The following MAPK4 variants were observed in gnomAD, a reference collection of about 807,000 sequenced individuals.
MAPK4 encodes the protein Erk3-related.
In MAPK4, 22 loss-of-function variants were observed where a neutral mutation model predicts 47.7. The ratio of observed to expected loss-of-function variants is 0.46; its 90% CI spans 0.33 to 0.66. The LOEUF is 0.66. MAPK4 is among the 30% of genes least tolerant of loss of function. The pLI is 0.02. For synonymous variants in MAPK4, 390 were observed against 365.7 expected, an observed-to-expected ratio of 1.07 and a Z score of -0.76; for missense variants, 736 against 831.7, an observed-to-expected ratio of 0.88 and a Z score of 1.42.
intron 2 of MAPK4, among the ~76,000 whole-genome samples, chr18:50,697,002 G>A (rs1335335685): frequency 6.6e-6 from 1 of 151,958 alleles, no homozygotes; most frequent in Non-Finnish European, 1.5e-5. Flanking sequence ...AGACTTGGTG[G>A]TGGCCAGACC....
chr18:50,726,224 C>T (rs1298498630), intron 5 of MAPK4, 49 bp downstream of exon 5: 1 of 1,574,752 alleles, frequency 6.4e-7, no homozygotes, highest in Non-Finnish European at 8.7e-7. Flanking sequence ...GTCCTCCCAT[C>T]TCTATTTTGC....
At chr18:50,722,127 T>C in intron 4 of MAPK4, 28 bp downstream of exon 4, 1 of 1,599,346 alleles carries the variant, frequency 6.3e-7, no homozygotes, top group Non-Finnish European at 8.5e-7. Flanking sequence ...CCAGGCCAAG[T>C]GTCCTGGGAG....
At chr18:50,661,827 C>G (rs2144244791) in intron 1 of MAPK4, among the ~76,000 whole-genome samples, 1 of 152,304 alleles carries the variant, frequency 6.6e-6, no homozygotes, top group East Asian at 1.9e-4. Context: ...ACATGCAGAA[C>G]AGAATTACCG....
intron 2 of MAPK4, among the ~76,000 whole-genome samples, chr18:50,708,684 A>G (rs543079005): frequency 6.6e-6 from 1 of 152,288 alleles, no homozygotes; most frequent in South Asian, 2.1e-4. Flanking sequence ...TTGTCTAGAC[A>G]GCCCAGGCCC....
intron 1 of MAPK4, among the ~76,000 whole-genome samples, chr18:50,654,336 C>T (rs1269604783): frequency 1.3e-5 from 2 of 152,316 alleles, no homozygotes; most frequent in East Asian, 1.9e-4. Context: ...GGCACAGTGG[C>T]CTGCAGGCAC....
At chr18:50,682,596 A>G (rs1247294521) in intron 2 of MAPK4, among the ~76,000 whole-genome samples, 1 of 152,254 alleles carries the variant, frequency 6.6e-6, no homozygotes, top group Non-Finnish European at 1.5e-5. Flanking sequence ...CATATTGACC[A>G]AGAGTGTTTT....
At position 50,622,000 on chromosome 18, in the gene MAPK4, G is replaced by A. The variant is rs1306225790; in HGVS notation, c.-870-41089G>A. Among the ~76,000 whole-genome samples, 3 of 152,218 alleles carry A rather than the reference G, an allele frequency of 2.0e-5. No homozygotes were observed. In the East Asian group the frequency reaches 5.8e-4, roughly 29 times the overall value. ...CACTGGGTGTGTACAGCCTTTCTGGGTAGACAGGGCACATCTTAATGCCTA... is the reference window on the plus strand; with the variant it reads ...CACTGGGTGTGTACAGCCTTTCTGGATAGACAGGGCACATCTTAATGCCTA... On this transcript the variant is annotated intron_variant, in intron 1 of 5. Coordinates refer to ENST00000400384, the MANE Select transcript of MAPK4 (RefSeq NM_002747.4).
At chr18:50,667,513 C>T (rs1907672296) in intron 2 of MAPK4, among the ~76,000 whole-genome samples, 2 of 152,282 alleles carry the variant, frequency 1.3e-5, no homozygotes, top group South Asian at 4.1e-4. Context: ...CTCCAGTGTG[C>T]TTGGAGGATG....
chr18:50,644,056 T>A (rs1359189728), intron 1 of MAPK4, among the ~76,000 whole-genome samples: 1 of 152,180 alleles, frequency 6.6e-6, no homozygotes, highest in Non-Finnish European at 1.5e-5. Context: ...AGTAGAAATC[T>A]GAGTTGCCTC....
At chr18:50,586,607 A>C (rs918723319) in intron 1 of MAPK4, among the ~76,000 whole-genome samples, 1 of 152,088 alleles carries the variant, frequency 6.6e-6, no homozygotes, top group Non-Finnish European at 1.5e-5. Flanking sequence ...TATAACTTTT[A>C]TGAGGAGAAA....
intron 2 of MAPK4, among the ~76,000 whole-genome samples, chr18:50,709,389 A>C (rs940411401): frequency 6.6e-6 from 1 of 152,218 alleles, no homozygotes; most frequent in Admixed American, 6.5e-5. Context: ...GGGAGCACAG[A>C]GCCTGCAGCC....
intron 1 of MAPK4, among the ~76,000 whole-genome samples, chr18:50,575,792 C>CAAAAAA (rs540138636): frequency 2.4e-4 from 17 of 70,146 alleles, no homozygotes; most frequent in East Asian, 4.9e-4. Flanking sequence ...AATCAACAAG[C>CAAAAAA]AAAAAAAAAA....
At position 50,645,541 on chromosome 18, in the gene MAPK4, CTTATT is replaced by C. The variant is rs528040923; in HGVS notation, c.-870-17544_-870-17540del. On this transcript the variant is annotated intron_variant, in intron 1 of 5. Transcript: ENST00000400384. ...TGCCAACAGTGGAAGCCACAGTTATCTTATTTTAATTTTTTTTTCTACAATGAGCC... is the reference window on the plus strand; with the variant it reads ...TGCCAACAGTGGAAGCCACAGTTATCTTAATTTTTTTTTCTACAATGAGCC... Among the ~76,000 whole-genome samples, 33 of 152,298 alleles carry C rather than the reference CTTATT, an allele frequency of 2.2e-4. 1 individual carries two copies. In the South Asian group the frequency reaches 5.2e-3, roughly 24 times the overall value.
At chr18:50,633,671 C>T (rs1436140450) in intron 1 of MAPK4, among the ~76,000 whole-genome samples, 1 of 152,200 alleles carries the variant, frequency 6.6e-6, no homozygotes, top group Non-Finnish European at 1.5e-5. Flanking sequence ...TGGCTTTGCA[C>T]TGCCTAAGGG....
At chr18:50,677,415 G>C (rs576408474) in intron 2 of MAPK4, among the ~76,000 whole-genome samples, 29 of 152,278 alleles carry the variant, frequency 1.9e-4, no homozygotes, top group African/African-American at 7.0e-4. Context: ...TTTACCCATT[G>C]CAAAAAGAGT....
Position 50,635,329 on chromosome 18 carries a change from A to G in MAPK4, c.-870-27760A>G, listed in dbSNP as rs141322143. ...TTAGGATTCAACTTCAATGCCCCCT[A>G]TCACCCCCAACATTCGGGCCCTTTA... On this transcript the variant is annotated intron_variant, in intron 1 of 5. Transcript: ENST00000400384. Among the ~76,000 whole-genome samples, 42 of 152,140 alleles carry G rather than the reference A, an allele frequency of 2.8e-4. No individual in the cohort carries two copies. The East Asian group carries it at 7.0e-3, about 25-fold the overall frequency.
chr18:50,708,027 T>C (rs746689461), intron 2 of MAPK4, among the ~76,000 whole-genome samples: 30 of 152,236 alleles, frequency 2.0e-4, no homozygotes, highest in African/African-American at 3.4e-4. Context: ...AGCTGCGTAA[T>C]AGAACGTGCC....
chr18:50,636,276 G>C (rs2042887372), intron 1 of MAPK4, among the ~76,000 whole-genome samples: 1 of 152,162 alleles, frequency 6.6e-6, no homozygotes, highest in Admixed American at 6.5e-5. Context: ...TCCATCTGCA[G>C]CTCAACTTCC....
At chr18:50,574,758 G>T (rs894959193) in intron 1 of MAPK4, among the ~76,000 whole-genome samples, 2 of 152,174 alleles carry the variant, frequency 1.3e-5, no homozygotes, top group Admixed American at 6.5e-5. Context: ...AAGCAAACCT[G>T]CTATATAAAC....
Sources: allele counts gnomAD v4.1 joint callset (sites outside exome capture counted in the v4.1 genomes callset), GRCh38; gene constraint gnomAD v4.1.1; transcripts MANE v1.5; gene names NCBI Gene and HGNC (gene_info 2026-07-23, HGNC 2026-07-21).